The following ENPP6 variants were observed in gnomAD, a reference collection of about 807,000 sequenced individuals.
The protein encoded by ENPP6 is glycerophosphocholine cholinephosphodiesterase ENPP6.
In ENPP6, 32 loss-of-function variants were observed where a neutral mutation model predicts 42.0. The ratio of observed to expected loss-of-function variants is 0.76; its 90% CI spans 0.58 to 1.02. ENPP6 has a LOEUF of 1.02. Among genes scored for constraint, ENPP6 ranks in the 50% least tolerant of loss-of-function variants. The pLI, the probability that ENPP6 is intolerant of heterozygous loss-of-function variation, is 0.00. For synonymous variants in ENPP6, 213 were observed against 216.0 expected (o/e 0.99, Z 0.12); for missense variants, 552 against 566.8 (o/e 0.97, Z 0.27).
chr4:184,109,847 CGT>C (rs57313031), intron 6 of ENPP6, among the ~76,000 whole-genome samples: 33,167 of 150,824 alleles, frequency 0.22, 4,151 homozygotes, highest in African/African-American at 0.35. Flanking sequence ...TTCAGACAAA[CGT>C]GTGTGTGTGT....
At position 184,173,805 on chromosome 4, in the gene ENPP6, T is replaced by C. The variant is rs576164214; in HGVS notation, c.242-20072A>G. Among the ~76,000 whole-genome samples, 12 of 152,280 alleles carry C rather than the reference T, an allele frequency of 7.9e-5. No homozygotes were observed. The East Asian group carries it at 2.3e-3, about 29-fold the overall frequency. ...GGAGAATAGGAGGGCATGATTCTAG[T>C]GCATAAGGGCTTTACAATGCAGCCC... On this transcript the variant is annotated intron_variant, in intron 1 of 7. Coordinates refer to ENST00000296741, the MANE Select transcript of ENPP6 (RefSeq NM_153343.4).
chr4:184,191,871 T>C (rs1344173986), intron 1 of ENPP6, among the ~76,000 whole-genome samples: 4 of 152,222 alleles, frequency 2.6e-5, no homozygotes, highest in Non-Finnish European at 5.9e-5. Context: ...ATTCTGAAGA[T>C]AATTCCATTC....
intron 3 of ENPP6, among the ~76,000 whole-genome samples, chr4:184,123,467 C>T (rs143555163): frequency 1.2e-4 from 19 of 152,216 alleles, no homozygotes; most frequent in African/African-American, 4.6e-4. Flanking sequence ...AAGTCCACTC[C>T]TGGAAACTCA....
intron 7 of ENPP6, 85 bp downstream of exon 7, chr4:184,097,160 C>A (rs1421713709): frequency 1.3e-6 from 2 of 1,572,088 alleles, no homozygotes; most frequent in South Asian, 1.2e-5. Flanking sequence ...GAAATCCCTG[C>A]AGCCTCTCCT....
chr4:184,110,852 C>A (rs962481170), intron 6 of ENPP6, among the ~76,000 whole-genome samples: 1 of 152,162 alleles, frequency 6.6e-6, no homozygotes, highest in Non-Finnish European at 1.5e-5. Context: ...TGACCAAGAG[C>A]GTCTTAACGG....
In ENPP6 at chr4:184,116,954, TC is replaced by T. The variant is rs1293190778; in HGVS notation, c.756del (p.Ile253LeufsTer3). ...AGGCTGATGTACTTATTCAGCTCAA[TC>T]ACTTTGTCCATCCAGAAAATGTCGG... The part of the protein sequence containing the change: ...GMTDIFWMDK[V>X]IELNKYISLN... On this transcript the variant is annotated frameshift_variant, in exon 5 of 8. Coordinates refer to ENST00000296741, the MANE Select transcript of ENPP6 (RefSeq NM_153343.4). LOFTEE classifies it high-confidence loss of function. The T allele has an allele frequency of 2.5e-6, 4 of 1,614,054 alleles. No individual in the cohort carries two copies. Among genetic ancestry groups the T allele is most frequent in the Non-Finnish European group, 3.4e-6 (4 of 1,180,044 alleles).
chr4:184,154,911 T>G (rs1481003502), intron 1 of ENPP6, among the ~76,000 whole-genome samples: 2 of 152,248 alleles, frequency 1.3e-5, no homozygotes, highest in Non-Finnish European at 2.9e-5. Context: ...TTGTTTCAAC[T>G]AACATGTATT....
intron 2 of ENPP6, among the ~76,000 whole-genome samples, chr4:184,126,634 T>C (rs1157953158): frequency 6.6e-6 from 1 of 152,154 alleles, no homozygotes; most frequent in African/African-American, 2.4e-5. Flanking sequence ...CAGAAAGCTG[T>C]AGACAATGCT....
At chr4:184,110,609 T>G (rs769197234) in intron 6 of ENPP6, among the ~76,000 whole-genome samples, 4 of 152,188 alleles carry the variant, frequency 2.6e-5, no homozygotes, top group Non-Finnish European at 4.4e-5. Context: ...CCACGCCCTT[T>G]CTTTCCTGCT....
At chr4:184,169,260 CAGTGACCGTGGCTCCAGGATCCAGGCTGG>C (rs781541583) in intron 1 of ENPP6, among the ~76,000 whole-genome samples, 7 of 152,114 alleles carry the variant, frequency 4.6e-5, no homozygotes, top group African/African-American at 7.2e-5. Flanking sequence ...ATTCCTGCCA[CAGTGACCGTGGCTCCAGGATCCAGGCTGG>C]GCGGGAGGAT....
intron 2 of ENPP6, among the ~76,000 whole-genome samples, chr4:184,135,259 C>T (rs1444312886): frequency 6.6e-6 from 1 of 152,080 alleles, no homozygotes; most frequent in Admixed American, 6.5e-5. Flanking sequence ...ACTTTTTGCT[C>T]TCTTATTCTA....
chr4:184,091,116 T>C lies in ENPP6; in HGVS notation c.*61A>G. On this transcript the variant is annotated 3_prime_UTR_variant, in exon 8 of 8. Transcript: ENST00000296741. Reference sequence around the variant, plus strand: ...TTATTCACACATAAAATGAAAATCATCTGGCTTTGGAGGCCCACTTTGCTG... The same window carrying C: ...TTATTCACACATAAAATGAAAATCACCTGGCTTTGGAGGCCCACTTTGCTG... 1.4e-6 allele frequency: 2 copies of C among 1,455,182 alleles called. No homozygotes were observed. Among genetic ancestry groups the C allele is most frequent in the Non-Finnish European group, 9.2e-7 (1 of 1,092,504 alleles). 90.1% of individuals were successfully genotyped at this position (1,455,182 alleles called of 1,614,324 possible).
intron 2 of ENPP6, among the ~76,000 whole-genome samples, chr4:184,152,603 C>G (rs185089469): frequency 1.3e-5 from 2 of 152,172 alleles, no homozygotes; most frequent in African/African-American, 4.8e-5. Flanking sequence ...TCTATTGCCA[C>G]GGGCGTGGGA....
intron 2 of ENPP6, among the ~76,000 whole-genome samples, chr4:184,131,950 C>T (rs1250080873): frequency 7.0e-6 from 1 of 141,896 alleles, no homozygotes; most frequent in Non-Finnish European, 1.5e-5. Flanking sequence ...TAATTCAGTC[C>T]TAATTCAGTC....
At chr4:184,146,508 A>T (rs950177693) in intron 2 of ENPP6, among the ~76,000 whole-genome samples, 1 of 152,220 alleles carries the variant, frequency 6.6e-6, no homozygotes, top group African/African-American at 2.4e-5. Context: ...AAAACAATGC[A>T]TCCTTGCTAC....
chr4:184,182,003 G>A (rs978967552), intron 1 of ENPP6, among the ~76,000 whole-genome samples: 2 of 151,924 alleles, frequency 1.3e-5, no homozygotes, highest in Non-Finnish European at 2.9e-5. Context: ...TGCAAAAATC[G>A]ACAAATGAGA....
At chr4:184,106,652 C>T (rs2111336708) in intron 6 of ENPP6, among the ~76,000 whole-genome samples, 1 of 152,264 alleles carries the variant, frequency 6.6e-6, no homozygotes, top group East Asian at 1.9e-4. Context: ...TCCTGTTGCC[C>T]CCACCCCAGT....
intron 2 of ENPP6, among the ~76,000 whole-genome samples, chr4:184,150,171 T>C (rs1242791801): frequency 6.6e-6 from 1 of 152,070 alleles, no homozygotes; most frequent in East Asian, 1.9e-4. Context: ...ATGGCAACAC[T>C]GGGTGGCGTG....
intron 1 of ENPP6, among the ~76,000 whole-genome samples, chr4:184,207,617 G>A (rs11724262): frequency 0.16 from 24,518 of 152,244 alleles, 2,566 homozygotes; most frequent in Non-Finnish European, 0.24. Context: ...GTAAGATGTA[G>A]AGACACACAC....
Sources: allele counts gnomAD v4.1 joint callset (sites outside exome capture counted in the v4.1 genomes callset), GRCh38; gene constraint gnomAD v4.1.1; transcripts MANE v1.5; gene names NCBI Gene and HGNC (gene_info 2026-07-23, HGNC 2026-07-21).